Variants in INSC observed in about 807,000 individuals in gnomAD.
INSC encodes the protein INSC spindle orientation adaptor protein.
A neutral mutation model predicts 58.6 loss-of-function variants in INSC; 67 were observed. That is an observed-to-expected ratio of 1.14 (90% confidence interval 0.94 to 1.40). INSC has a LOEUF of 1.40. Ranked by LOEUF, INSC falls within the 40% of genes most tolerant of loss-of-function variation. INSC has a pLI of 0.00. For missense variants in INSC, 714 were observed against 692.0 expected (o/e 1.03, Z -0.36); for synonymous variants, 262 against 276.1 (o/e 0.95, Z 0.51).
At chr11:15,165,097 GGTATTTCGAA>G (rs1564879221) in intron 2 of INSC, among the ~76,000 whole-genome samples, 2 of 152,074 alleles carry the variant, frequency 1.3e-5, no homozygotes, top group African/African-American at 4.8e-5. Flanking sequence ...CCCACTTGCT[GGTATTTCGAA>G]GTTTGTGGGG....
intron 7 of INSC, among the ~76,000 whole-genome samples, chr11:15,209,656 C>T (rs1254775474): frequency 6.6e-6 from 1 of 152,026 alleles, no homozygotes; most frequent in Admixed American, 6.5e-5. Flanking sequence ...GTGGTTTGCA[C>T]ACACAGGTGA....
chr11:15,127,565 AG>A (rs1848026232), intron 1 of INSC, among the ~76,000 whole-genome samples: 1 of 152,206 alleles, frequency 6.6e-6, no homozygotes, highest in Non-Finnish European at 1.5e-5. Flanking sequence ...TATACTTGGC[AG>A]AGGGCTTCCA....
At chr11:15,266,589 A>G in the INSC span, among the ~76,000 whole-genome samples, 1 of 151,962 alleles carries the variant, frequency 6.6e-6, no homozygotes, top group African/African-American at 2.4e-5. Context: ...TCCAAATTAG[A>G]AGCTATCTTA....
At chr11:15,259,965 A>C in the INSC span, among the ~76,000 whole-genome samples, 1 of 152,138 alleles carries the variant, frequency 6.6e-6, no homozygotes, top group African/African-American at 2.4e-5. Context: ...CTGTACTCTG[A>C]TGTGAGAGAG....
At chr11:15,133,953 A>G (rs968996948) in intron 1 of INSC, among the ~76,000 whole-genome samples, 1 of 152,182 alleles carries the variant, frequency 6.6e-6, no homozygotes, top group African/African-American at 2.4e-5. Context: ...TTATAAGGAG[A>G]AGGATTAATT....
chr11:15,147,780 C>T (rs1848532588), intron 1 of INSC, among the ~76,000 whole-genome samples: 1 of 152,210 alleles, frequency 6.6e-6, no homozygotes, highest in Admixed American at 6.5e-5. Context: ...GGGCTCCTGC[C>T]TCCCCACACT....
chr11:15,115,047 G>A, intron 1 of INSC, 44 bp downstream of exon 1: 1 of 974,006 alleles, frequency 1.0e-6, no homozygotes, highest in Non-Finnish European at 1.2e-6. Flanking sequence ...GGCTGGTGAT[G>A]CCTCTGCTAG....
At chr11:15,124,031 T>C (rs1381144447) in intron 1 of INSC, among the ~76,000 whole-genome samples, 1 of 152,188 alleles carries the variant, frequency 6.6e-6, no homozygotes, top group Middle Eastern at 3.2e-3. Flanking sequence ...TCTGACTCAC[T>C]TACTCTTACA....
intron 10 of INSC, among the ~76,000 whole-genome samples, chr11:15,237,672 A>G (rs886548813): frequency 1.3e-5 from 2 of 152,214 alleles, no homozygotes; most frequent in African/African-American, 4.8e-5. Flanking sequence ...CTGGGCTTTG[A>G]GAGTCCATGG....
At chr11:15,114,739 G>C (rs1346587024), upstream of INSC, among the ~76,000 whole-genome samples, 3 of 152,146 alleles carry the variant, frequency 2.0e-5, no homozygotes, top group Admixed American at 2.0e-4. Flanking sequence ...AAATAGCCTC[G>C]TAGTCCCGCG....
At chr11:15,125,891 G>A (rs1157004013) in intron 1 of INSC, among the ~76,000 whole-genome samples, 1 of 152,184 alleles carries the variant, frequency 6.6e-6, no homozygotes, top group Non-Finnish European at 1.5e-5. Context: ...GTCAGAGTAA[G>A]CTTCTGGGTG....
intron 7 of INSC, among the ~76,000 whole-genome samples, chr11:15,219,091 G>C (rs1851337132): frequency 6.6e-6 from 1 of 152,116 alleles, no homozygotes; most frequent in Non-Finnish European, 1.5e-5. Flanking sequence ...TCTCTGAATT[G>C]CTGGCACATG....
chr11:15,178,672 A>C (rs1222816044), intron 5 of INSC, among the ~76,000 whole-genome samples: 1 of 152,226 alleles, frequency 6.6e-6, no homozygotes, highest in Non-Finnish European at 1.5e-5. Flanking sequence ...TCCAGATGTG[A>C]AAACTGGAGC....
intron 9 of INSC, among the ~76,000 whole-genome samples, chr11:15,230,017 TATATATATATATATATATATATAA>T: frequency 2.5e-5 from 1 of 40,266 alleles, no homozygotes; most frequent in African/African-American, 1.9e-4. Flanking sequence ...ATATATAATA[TATATATATATATATATATATATAA>T]AAGCCAGGCA....
At chr11:15,238,666 A>G (rs2133975183) in intron 10 of INSC, among the ~76,000 whole-genome samples, 1 of 152,308 alleles carries the variant, frequency 6.6e-6, no homozygotes, top group East Asian at 1.9e-4. Flanking sequence ...GTGTAGTAAA[A>G]GCTCAATAAT....
intron 1 of INSC, among the ~76,000 whole-genome samples, chr11:15,127,454 G>A (rs142823130): frequency 4.6e-5 from 7 of 152,294 alleles, no homozygotes; most frequent in East Asian, 1.9e-4. Context: ...GATTTGGGCC[G>A]TAGATCCTGC....
At chr11:15,144,468 T>G (rs989319386) in intron 1 of INSC, among the ~76,000 whole-genome samples, 6 of 152,202 alleles carry the variant, frequency 3.9e-5, no homozygotes, top group Non-Finnish European at 7.3e-5. Context: ...CTTTCTGAAG[T>G]CTTTGAGAAA....
intron 9 of INSC, among the ~76,000 whole-genome samples, chr11:15,233,479 T>C (rs1478037599): frequency 3.3e-5 from 5 of 152,200 alleles, no homozygotes; most frequent in South Asian, 4.1e-4. Flanking sequence ...CAGGGCATAA[T>C]TGGCATTTAT....
chr11:15,206,334 G>T (rs1850796034), intron 7 of INSC, among the ~76,000 whole-genome samples: 1 of 152,202 alleles, frequency 6.6e-6, no homozygotes, highest in Non-Finnish European at 1.5e-5. Context: ...GAGCTCCCAG[G>T]CAGACCAGAG....
Sources: gnomAD v4.1 joint callset for allele counts (sites outside exome capture counted in the v4.1 genomes callset) on GRCh38, gnomAD v4.1.1 for gene constraint, MANE v1.5 for transcripts, NCBI Gene and HGNC (gene_info 2026-07-23, HGNC 2026-07-21) for gene names.